Variants in CDH4 observed in about 807,000 individuals in gnomAD.
The protein encoded by CDH4 is cadherin 4.
In CDH4, 33 loss-of-function variants were observed where a neutral mutation model predicts 86.0. The ratio of observed to expected loss-of-function variants is 0.38; its 90% confidence interval spans 0.29 to 0.51. The LOEUF (loss-of-function observed/expected upper bound fraction) is 0.51, where lower values mean the gene tolerates loss of function less well. CDH4 is among the 20% of genes least tolerant of loss of function. CDH4 has a pLI of 0.86. For missense variants in CDH4, 1,114 were observed against 1,307.4 expected (o/e 0.85, Z 2.28); for synonymous variants, 555 against 549.4 (o/e 1.01, Z -0.14).
chr20:61,672,909 C>G (rs2087406211), intron 2 of CDH4, among the ~76,000 whole-genome samples: 1 of 152,024 alleles, frequency 6.6e-6, no homozygotes, highest in African/African-American at 2.4e-5. Context: ...AGGAGGAGGT[C>G]ATCCTGAGTT....
chr20:61,351,190 C>G (rs1435207893), intron 2 of CDH4, among the ~76,000 whole-genome samples: 1 of 152,132 alleles, frequency 6.6e-6, no homozygotes, highest in Non-Finnish European at 1.5e-5. Flanking sequence ...CAACCAACCA[C>G]AGATCAGAAA....
At chr20:61,906,365 A>T (rs1309846840) in intron 8 of CDH4, among the ~76,000 whole-genome samples, 1 of 152,228 alleles carries the variant, frequency 6.6e-6, no homozygotes, top group East Asian at 1.9e-4. Context: ...CCAACACCAC[A>T]CTAGACCAAG....
At chr20:61,259,318 A>G (rs1164277747) in intron 2 of CDH4, among the ~76,000 whole-genome samples, 1 of 152,214 alleles carries the variant, frequency 6.6e-6, no homozygotes, top group Non-Finnish European at 1.5e-5. Flanking sequence ...AAGTAGGTTG[A>G]AGATAGGCTC....
At chr20:61,845,151 T>C (rs992343805) in intron 5 of CDH4, among the ~76,000 whole-genome samples, 5 of 152,234 alleles carry the variant, frequency 3.3e-5, no homozygotes, top group Non-Finnish European at 5.9e-5. Flanking sequence ...TTTGGATGGC[T>C]CTGCGGGGCT....
intron 2 of CDH4, among the ~76,000 whole-genome samples, chr20:61,575,391 A>G (rs1046649724): frequency 1.3e-5 from 2 of 152,228 alleles, no homozygotes; most frequent in South Asian, 2.1e-4. Context: ...GGCAGACACC[A>G]TAAAACAAAG....
intron 2 of CDH4, among the ~76,000 whole-genome samples, chr20:61,340,429 A>G (rs1349073631): frequency 1.3e-5 from 2 of 152,130 alleles, no homozygotes; most frequent in African/African-American, 4.8e-5. Flanking sequence ...TCTGTCGGAG[A>G]TATTTTGCTA....
chr20:61,283,829 A>G (rs2084278352), intron 2 of CDH4, among the ~76,000 whole-genome samples: 1 of 152,108 alleles, frequency 6.6e-6, no homozygotes, highest in Admixed American at 6.5e-5. Flanking sequence ...GATGTTTCAG[A>G]AAGGTGGTGC....
At chr20:61,936,458 C>T (rs2123024754) in intron 15 of CDH4, among the ~76,000 whole-genome samples, 1 of 112,680 alleles carries the variant, frequency 8.9e-6, no homozygotes, top group Admixed American at 9.2e-5. Flanking sequence ...AGGAGCTGAA[C>T]TCCAGCCACG....
At chr20:61,722,304 C>T (rs923149534) in intron 2 of CDH4, among the ~76,000 whole-genome samples, 4 of 152,138 alleles carry the variant, frequency 2.6e-5, no homozygotes, top group African/African-American at 4.8e-5. Flanking sequence ...ACAACAGAGA[C>T]GACCTCTAGC....
chr20:61,678,335 T>C (rs1168595297), intron 2 of CDH4, among the ~76,000 whole-genome samples: 2 of 152,128 alleles, frequency 1.3e-5, no homozygotes, highest in African/African-American at 2.4e-5. Context: ...GGATGGTAAA[T>C]ATAAACGTAG....
intron 2 of CDH4, among the ~76,000 whole-genome samples, chr20:61,631,905 C>T (rs750774652): frequency 7.9e-5 from 12 of 152,230 alleles, no homozygotes; most frequent in South Asian, 2.1e-4. Flanking sequence ...GACCACAAGA[C>T]GGCGCCTCCC....
intron 2 of CDH4, among the ~76,000 whole-genome samples, chr20:61,342,332 A>G (rs534139239): frequency 6.6e-6 from 1 of 152,202 alleles, no homozygotes; most frequent in South Asian, 2.1e-4. Flanking sequence ...ACTCACCATG[A>G]CGTACAGTCA....
intron 2 of CDH4, among the ~76,000 whole-genome samples, chr20:61,716,048 G>A (rs2044485429): frequency 6.6e-6 from 1 of 152,228 alleles, no homozygotes; most frequent in Non-Finnish European, 1.5e-5. Context: ...TGCCAGCTGG[G>A]GCTCTGGAGG....
At chr20:61,451,255 C>CA (rs1408071128) in intron 2 of CDH4, among the ~76,000 whole-genome samples, 3 of 151,730 alleles carry the variant, frequency 2.0e-5, no homozygotes, top group Admixed American at 2.0e-4. Flanking sequence ...CACCTGGCTT[C>CA]AAAAAGCGGC....
chr20:61,430,881 T>C (rs1375085293), intron 2 of CDH4, among the ~76,000 whole-genome samples: 3 of 152,244 alleles, frequency 2.0e-5, no homozygotes, highest in Non-Finnish European at 4.4e-5. Context: ...GAAAGGAGCC[T>C]GTGTGTCCAT....
At chr20:61,300,321 G>A (rs1367563455) in intron 2 of CDH4, among the ~76,000 whole-genome samples, 2 of 152,172 alleles carry the variant, frequency 1.3e-5, no homozygotes, top group African/African-American at 4.8e-5. Flanking sequence ...ATGAGGGGCA[G>A]CATGTTCTGG....
chr20:61,468,999 G>A (rs1482944021), intron 2 of CDH4, among the ~76,000 whole-genome samples: 1 of 152,130 alleles, frequency 6.6e-6, no homozygotes, highest in African/African-American at 2.4e-5. Context: ...TGACTGTTGG[G>A]AATAGTGCTA....
At chr20:61,657,726 G>A (rs911301418) in intron 2 of CDH4, among the ~76,000 whole-genome samples, 3 of 152,236 alleles carry the variant, frequency 2.0e-5, no homozygotes, top group African/African-American at 7.2e-5. Flanking sequence ...GATATTTGCA[G>A]AATGCTTAAG....
At chr20:61,640,249 G>A (rs1208799674) in intron 2 of CDH4, among the ~76,000 whole-genome samples, 1 of 152,238 alleles carries the variant, frequency 6.6e-6, no homozygotes, top group East Asian at 1.9e-4. Context: ...TGGTGAGACT[G>A]GAAGCCAGCT....
Sources: allele counts gnomAD v4.1 joint callset (sites outside exome capture counted in the v4.1 genomes callset), GRCh38; gene constraint gnomAD v4.1.1; transcripts MANE v1.5; gene names NCBI Gene and HGNC (gene_info 2026-07-23, HGNC 2026-07-21).